The following COL22A1 variants were observed in gnomAD, a reference collection of about 807,000 sequenced individuals.
COL22A1 encodes the protein collagen type XXII alpha 1 chain.
COL22A1 carries 221 observed loss-of-function variants against 248.9 expected under a neutral mutation model. That is an observed-to-expected ratio of 0.89 (90% CI 0.80 to 0.99). The LOEUF (loss-of-function observed/expected upper bound fraction) is 0.99. Among genes scored for constraint, COL22A1 ranks in the 50% least tolerant of loss-of-function variants. The pLI is 0.00. For synonymous variants in COL22A1, 891 were observed against 793.4 expected, an observed-to-expected ratio of 1.12 and a Z score of -2.07; for missense variants, 2,240 against 2,179.0, an observed-to-expected ratio of 1.03 and a Z score of -0.56.
rs1554744069 is a variant in COL22A1 at position 138,676,454 on chromosome 8, A to AAAGGAAGG, written c.3150+103_3150+104insCCTTCCTT. 1.4e-3 allele frequency: 595 copies of AAAGGAAGG among 415,866 alleles called. 4 individuals are homozygous for AAAGGAAGG. In the Middle Eastern group the frequency reaches 0.02, roughly 14 times the overall value. The allele number at this position is 415,866 out of a possible 1,614,324, so 25.8% of individuals were successfully genotyped here. ...GAAAGAAAGAAAGAAAGAAAGAAAG[A>AAAGGAAGG]AAGGAAGAAAGAAAGAAAGAAAAGA... On this transcript the variant is annotated intron_variant, in intron 41 of 64. Transcript: ENST00000303045.
Position 138,690,820 on chromosome 8 carries a change from C to T in COL22A1, c.2808+1G>A, listed in dbSNP as rs1447726351. The T allele has an allele frequency of 2.5e-6, 4 of 1,609,230 alleles. No homozygotes were observed. In the Admixed American group the frequency reaches 5.0e-5, roughly 20 times the overall value. On this transcript the variant is annotated splice_donor_variant, in intron 36 of 64. Transcript: ENST00000303045. LOFTEE classifies it high-confidence loss of function. Reference sequence around the variant, plus strand: ...GCGTATGCCCTCTCCCAATTACTCACCACACTTCCTGGAGGGCCACTGGGA... The same window carrying T: ...GCGTATGCCCTCTCCCAATTACTCATCACACTTCCTGGAGGGCCACTGGGA...
chr8:138,830,890 TGTGCACCCCCCACATGAGCATGGG>T (rs2131811920), intron 5 of COL22A1, among the ~76,000 whole-genome samples: 1 of 152,074 alleles, frequency 6.6e-6, no homozygotes, highest in Non-Finnish European at 1.5e-5. Context: ...TGCTCATCCC[TGTGCACCCCCCACATGAGCATGGG>T]GCCAGGTGAT....
At chr8:138,888,057 C>G (rs965318553) in intron 1 of COL22A1, among the ~76,000 whole-genome samples, 1 of 152,162 alleles carries the variant, frequency 6.6e-6, no homozygotes. Context: ...ACGTATTTTT[C>G]ATTGTTAAAG....
In COL22A1 at chr8:138,881,729, A is replaced by T. The variant is rs150492395; in HGVS notation, c.91+1353T>A. Among the ~76,000 whole-genome samples the T allele has an allele frequency of 5.4e-3, 820 of 152,322 alleles. 9 individuals are homozygous for T. The highest frequency in any genetic ancestry group is 0.019 in the African/African-American group (790 of 41,578). ...AGATCACTTCCTATAAGATGGGCTC[A>T]GCGTTTTGCTTCCTGAATCCAGTGA... is the stretch of plus-strand genomic sequence containing the variant. On this transcript the variant is annotated intron_variant, in intron 2 of 64. Transcript: ENST00000303045.
chr8:138,617,896 T>C (rs1819466784), intron 53 of COL22A1, among the ~76,000 whole-genome samples: 1 of 152,184 alleles, frequency 6.6e-6, no homozygotes, highest in African/African-American at 2.4e-5. Context: ...GAATAAGGAC[T>C]GCACAGTGCT....
chr8:138,795,815 G>A (rs1364460175), intron 12 of COL22A1, among the ~76,000 whole-genome samples: 1 of 152,190 alleles, frequency 6.6e-6, no homozygotes, highest in Non-Finnish European at 1.5e-5. Context: ...AGCTAGATGT[G>A]TAAGAGTGCC....
chr8:138,815,670 G>A (rs1818622317), intron 7 of COL22A1, among the ~76,000 whole-genome samples: 2 of 152,142 alleles, frequency 1.3e-5, no homozygotes, highest in Admixed American at 1.3e-4. Context: ...ATCCCTAATA[G>A]AACATAGACC....
At chr8:138,805,181 TGTGTGTGTGTGATTGGGTGTGTGATG>T in intron 10 of COL22A1, among the ~76,000 whole-genome samples, 1 of 136,446 alleles carries the variant, frequency 7.3e-6, no homozygotes, top group Non-Finnish European at 1.6e-5. Context: ...GTGTGTGTGG[TGTGTGTGTGTGATTGGGTGTGTGATG>T]GGGTGTGTGT....
intron 35 of COL22A1, among the ~76,000 whole-genome samples, chr8:138,691,912 A>ATGTGCATGTTTGTGGACGTATGTGTGCG (rs1826990064): frequency 4.6e-4 from 5 of 10,954 alleles, no homozygotes; most frequent in African/African-American, 1.2e-3. Context: ...GTGCACGTGC[A>ATGTGCATGTTTGTGGACGTATGTGTGCG]TGTGTGCATG....
chr8:138,686,711 C>T (rs545212525), intron 37 of COL22A1, among the ~76,000 whole-genome samples: 8 of 152,306 alleles, frequency 5.3e-5, no homozygotes, highest in African/African-American at 1.9e-4. Context: ...CTGAATGTGG[C>T]AATAGCCCAC....
chr8:138,673,229 T>TA lies in COL22A1; in HGVS notation c.3150+3328dup, dbSNP rs1554742597. On this transcript the variant is annotated intron_variant, in intron 41 of 64. Transcript: ENST00000303045. ...CCGATCTATTTTTTTTTTTTTTTTT[T>TA]AGACAGAGTCTGGCTCTGCTGCCCA... is the stretch of plus-strand genomic sequence containing the variant. 4.6e-5 allele frequency among the ~76,000 whole-genome samples: 7 copies of TA among 151,032 alleles called. 1 individual carries two copies. In the South Asian group the frequency reaches 1.5e-3, roughly 32 times the overall value.
intron 38 of COL22A1, among the ~76,000 whole-genome samples, chr8:138,684,981 G>A (rs1022855624): frequency 3.9e-5 from 6 of 152,150 alleles, no homozygotes; most frequent in African/African-American, 9.7e-5. Flanking sequence ...TCTCCAGGGC[G>A]CAGCCTGTCT....
chr8:138,861,776 T>A (rs756246179), intron 3 of COL22A1, among the ~76,000 whole-genome samples: 1 of 152,170 alleles, frequency 6.6e-6, no homozygotes, highest in Non-Finnish European at 1.5e-5. Flanking sequence ...AAAGCAGTAC[T>A]CCTCTCTTGG....
intron 4 of COL22A1, among the ~76,000 whole-genome samples, chr8:138,834,385 CAT>C (rs1023094356): frequency 6.6e-6 from 1 of 150,964 alleles, no homozygotes; most frequent in Non-Finnish European, 1.5e-5. Flanking sequence ...GTAGGACTAA[CAT>C]AATGATTAAA....
At chr8:138,738,702 C>T (rs894979633) in intron 22 of COL22A1, among the ~76,000 whole-genome samples, 13 of 152,212 alleles carry the variant, frequency 8.5e-5, no homozygotes, top group African/African-American at 2.9e-4. Context: ...TCTATGCAGA[C>T]TTGAAGCCTG....
At chr8:138,713,521 T>C (rs1829192221) in intron 30 of COL22A1, among the ~76,000 whole-genome samples, 1 of 152,214 alleles carries the variant, frequency 6.6e-6, no homozygotes, top group African/African-American at 2.4e-5. Context: ...CAAAGGATCT[T>C]GTGTTTCAGA....
At chr8:138,863,074 T>C (rs964340176) in intron 3 of COL22A1, among the ~76,000 whole-genome samples, 1 of 152,242 alleles carries the variant, frequency 6.6e-6, no homozygotes, top group East Asian at 1.9e-4. Context: ...TATAAATTGC[T>C]GGGTCTCAGG....
chr8:138,782,734 T>C (rs1015789116), intron 12 of COL22A1, among the ~76,000 whole-genome samples: 1 of 152,092 alleles, frequency 6.6e-6, no homozygotes, highest in African/African-American at 2.4e-5. Flanking sequence ...CAAGGTTTGG[T>C]AAATGAAAGT....
intron 22 of COL22A1, among the ~76,000 whole-genome samples, chr8:138,742,026 T>C (rs1831616567): frequency 6.6e-6 from 1 of 151,696 alleles, no homozygotes; most frequent in Non-Finnish European, 1.5e-5. Flanking sequence ...GTAGAGTTGA[T>C]GGTGATGGTG....
Sources: gnomAD v4.1 joint callset for allele counts (sites outside exome capture counted in the v4.1 genomes callset) on GRCh38, gnomAD v4.1.1 for gene constraint, MANE v1.5 for transcripts, NCBI Gene and HGNC (gene_info 2026-07-23, HGNC 2026-07-21) for gene names.